Variants in A1CF observed in about 807,000 individuals in gnomAD.
The protein encoded by A1CF is APOBEC-1 stimulating protein.
A1CF carries 48 observed loss-of-function variants against 68.9 expected under a neutral mutation model. The ratio of observed to expected loss-of-function variants is 0.70; its 90% CI spans 0.55 to 0.89. The LOEUF (loss-of-function observed/expected upper bound fraction) is 0.89, where lower values mean the gene tolerates loss of function less well. A1CF is among the 40% of genes least tolerant of loss of function. The pLI is 0.00. For synonymous variants in A1CF, 272 were observed against 260.4 expected, an observed-to-expected ratio of 1.04 and a Z score of -0.43; for missense variants, 653 against 718.9, an observed-to-expected ratio of 0.91 and a Z score of 1.05.
At position 50,844,080 on chromosome 10, in the gene A1CF, C is replaced by T. The variant is rs780470376; in HGVS notation, c.142G>A (p.Asp48Asn). 1 of 1,613,120 alleles carries T rather than the reference C, an allele frequency of 6.2e-7. No individual in the cohort carries two copies. The highest frequency in any genetic ancestry group is 8.5e-7 in the Non-Finnish European group (1 of 1,179,666). Residue 48 changes from aspartate to asparagine, a missense_variant, in exon 4 of 13, where the codon GAT (aspartate) becomes AAT (asparagine). Coordinates refer to ENST00000373997, the MANE Select transcript of A1CF (RefSeq NM_014576.4). Reference sequence around the variant, plus strand: ...CAGCCCCTTTCAGGGGGTGCAGCATCCCAACCAGGTGGAGGGCCACCATAT... The same window carrying T: ...CAGCCCCTTTCAGGGGGTGCAGCATTCCAACCAGGTGGAGGGCCACCATAT... Reference protein sequence around the residue: ...RKYGGPPPGWDAAPPERGCEI... With the variant: ...RKYGGPPPGWNAAPPERGCEI...
chr10:50,821,463 C>T (rs776331668), intron 7 of A1CF, among the ~76,000 whole-genome samples: 11 of 151,976 alleles, frequency 7.2e-5, no homozygotes, highest in Admixed American at 2.6e-4. Flanking sequence ...TGATTAAATC[C>T]GCTGCATTTA....
At chr10:50,818,549 G>A (rs1238530009) in intron 8 of A1CF, among the ~76,000 whole-genome samples, 1 of 152,080 alleles carries the variant, frequency 6.6e-6, no homozygotes, top group Non-Finnish European at 1.5e-5. Context: ...TGTGATGGCT[G>A]TTCCTTCCCA....
intron 3 of A1CF, among the ~76,000 whole-genome samples, chr10:50,857,540 G>A (rs1840540776): frequency 6.6e-6 from 1 of 152,166 alleles, no homozygotes; most frequent in South Asian, 2.1e-4. Flanking sequence ...GGAGATGACT[G>A]CTGTTGTGTT....
intron 3 of A1CF, chr10:50,850,781 C>T: frequency 1.9e-6 from 3 of 1,613,962 alleles, no homozygotes; most frequent in Non-Finnish European, 2.5e-6. Context: ...AGACACACTG[C>T]TTCCATCTAT....
At chr10:50,838,585 C>A (rs1348203392) in intron 5 of A1CF, among the ~76,000 whole-genome samples, 1 of 152,130 alleles carries the variant, frequency 6.6e-6, no homozygotes, top group Non-Finnish European at 1.5e-5. Flanking sequence ...GAGCCATCTC[C>A]TTTCAAAAGC....
intron 1 of A1CF, among the ~76,000 whole-genome samples, chr10:50,872,843 A>G (rs1239080800): frequency 1.4e-5 from 2 of 146,058 alleles, no homozygotes; most frequent in Non-Finnish European, 3.0e-5. Flanking sequence ...TTGAAATGTT[A>G]CTCCTTGGCA....
chr10:50,850,084 C>T (rs149057841), intron 3 of A1CF, among the ~76,000 whole-genome samples: 12 of 152,250 alleles, frequency 7.9e-5, no homozygotes, highest in African/African-American at 2.6e-4. Flanking sequence ...ATGCAAATGG[C>T]TCTTGGCTCT....
chr10:50,858,522 C>G (rs567862120), intron 3 of A1CF, among the ~76,000 whole-genome samples: 1 of 151,920 alleles, frequency 6.6e-6, no homozygotes, highest in African/African-American at 2.4e-5. Context: ...ATATTTCTAT[C>G]TTATATTATG....
intron 7 of A1CF, chr10:50,823,507 G>T (rs1032704053): frequency 4.6e-5 from 7 of 152,168 alleles, no homozygotes; most frequent in Non-Finnish European, 7.4e-5. Flanking sequence ...ATGCCAAAGG[G>T]AAGGTTATCA....
At chr10:50,811,586 A>G (rs1838114491) in intron 10 of A1CF, among the ~76,000 whole-genome samples, 1 of 152,220 alleles carries the variant, frequency 6.6e-6, no homozygotes, top group Non-Finnish European at 1.5e-5. Flanking sequence ...TAGCCTAAGA[A>G]TATATTTTTA....
intron 3 of A1CF, among the ~76,000 whole-genome samples, chr10:50,856,268 T>C (rs1840473106): frequency 6.6e-6 from 1 of 152,042 alleles, no homozygotes; most frequent in Non-Finnish European, 1.5e-5. Context: ...CTAGATTAGA[T>C]TACAGGCCTT....
chr10:50,809,582 A>G (rs1396814097), intron 12 of A1CF, among the ~76,000 whole-genome samples: 2 of 152,174 alleles, frequency 1.3e-5, no homozygotes, highest in Non-Finnish European at 2.9e-5. Flanking sequence ...TCATATATCT[A>G]TAGGTAGTTT....
rs1052420270 is a variant in A1CF at position 50,804,048 on chromosome 10, T to C, written c.*2681A>G. ...GGAAAGTAAAAATAAACATATGGCA[T>C]GGTAGACACATTAACACTTTCTATG... On this transcript the variant is annotated 3_prime_UTR_variant, in exon 13 of 13. Transcript: ENST00000373997. 1 of 152,182 alleles carries C rather than the reference T, an allele frequency of 6.6e-6. No homozygotes were observed. Among genetic ancestry groups the C allele is most frequent in the African/African-American group, 2.4e-5 (1 of 41,452 alleles). The allele number at this position is 152,182 out of a possible 1,614,324, so 9.4% of individuals were successfully genotyped here. A position where few individuals can be genotyped will look rare whatever the true frequency, so the allele number is the denominator to read the frequency against.
In A1CF at chr10:50,838,571, C is replaced by G. The variant is rs145545177; in HGVS notation, c.366-2259G>C. On this transcript the variant is annotated intron_variant, in intron 5 of 12. Coordinates refer to ENST00000373997, the MANE Select transcript of A1CF (RefSeq NM_014576.4). ...CACCTTTCCCGGAATTATTTGGAGA[C>G]AAAGAGCCATCTCCTTTCAAAAGCT... Among the ~76,000 whole-genome samples, 275 of 152,146 alleles carry G rather than the reference C, an allele frequency of 1.8e-3. 1 individual carries two copies. The highest frequency in any genetic ancestry group is 6.2e-3 in the African/African-American group (259 of 41,510).
chr10:50,872,700 G>T (rs972574544), intron 1 of A1CF, among the ~76,000 whole-genome samples: 2 of 152,078 alleles, frequency 1.3e-5, no homozygotes, highest in Non-Finnish European at 2.9e-5. Flanking sequence ...ATGAAAGTGA[G>T]CTATTGTAAT....
At chr10:50,854,184 A>C (rs1840375996) in intron 3 of A1CF, among the ~76,000 whole-genome samples, 1 of 151,994 alleles carries the variant, frequency 6.6e-6, no homozygotes, top group Non-Finnish European at 1.5e-5. Flanking sequence ...AAATTTAGAA[A>C]ATGAAGAAGA....
chr10:50,807,016 T>G, intron 12 of A1CF, 136 bp from the exon 13 acceptor site: 1 of 869,248 alleles, frequency 1.2e-6, no homozygotes, highest in East Asian at 2.7e-5. Flanking sequence ...TTTTAAAAAG[T>G]GTCCTTAAGG....
chr10:50,841,481 C>A (rs1327306121), intron 5 of A1CF, among the ~76,000 whole-genome samples: 1 of 152,198 alleles, frequency 6.6e-6, no homozygotes, highest in Non-Finnish European at 1.5e-5. Flanking sequence ...AGAGTAGCCA[C>A]CTTCTCACAC....
chr10:50,875,603 T>A (rs1841474213), intron 1 of A1CF, among the ~76,000 whole-genome samples: 1 of 152,212 alleles, frequency 6.6e-6, no homozygotes, highest in Non-Finnish European at 1.5e-5. Flanking sequence ...ATCTTCAATA[T>A]AGGCACCTCA....
Sources: allele counts gnomAD v4.1 joint callset (sites outside exome capture counted in the v4.1 genomes callset), GRCh38; gene constraint gnomAD v4.1.1; transcripts MANE v1.5; gene names NCBI Gene and HGNC (gene_info 2026-07-23, HGNC 2026-07-21).